The following SH3RF3 variants were observed in gnomAD, a reference collection of about 807,000 sequenced individuals.
The protein encoded by SH3RF3 is SH3 domain containing ring finger 3.
Under a neutral mutation model 66.3 loss-of-function variants are expected in SH3RF3, and 29 were observed. That is an observed-to-expected ratio of 0.44 (90% CI 0.33 to 0.60). SH3RF3 has a LOEUF of 0.60. Ranked by LOEUF, SH3RF3 falls within the 20% of genes least tolerant of loss-of-function variation. The probability of loss-of-function intolerance (pLI) is 0.04; values close to 1 mark genes in which losing one functional copy is unlikely to be tolerated. For synonymous variants in SH3RF3, 583 were observed against 532.0 expected, an observed-to-expected ratio of 1.10 and a Z score of -1.32; for missense variants, 1,194 against 1,190.9, an observed-to-expected ratio of 1.00 and a Z score of -0.04.
intron 1 of SH3RF3, among the ~76,000 whole-genome samples, chr2:109,238,561 G>A (rs1454188644): frequency 6.6e-6 from 1 of 151,322 alleles, no homozygotes; most frequent in Non-Finnish European, 1.5e-5. Context: ...ATCTCTGCTG[G>A]AAACTGGAAA....
In SH3RF3 at chr2:109,191,067, T is replaced by A. The variant is rs572151880; in HGVS notation, c.573+60954T>A. Among the ~76,000 whole-genome samples, 40 of 152,160 alleles carry A rather than the reference T, an allele frequency of 2.6e-4. 1 individual carries two copies. The highest frequency in any genetic ancestry group is 9.2e-4 in the African/African-American group (38 of 41,498). On this transcript the variant is annotated intron_variant, in intron 1 of 9. Transcript: ENST00000309415. ...GGGCCACAAAGAGTCTAACCTCCTC[T>A]GTTGTATTCGGAAAGTAGCTGTAGA...
At chr2:109,199,086 A>G (rs1334331544) in intron 1 of SH3RF3, among the ~76,000 whole-genome samples, 2 of 152,010 alleles carry the variant, frequency 1.3e-5, no homozygotes, top group African/African-American at 2.4e-5. Flanking sequence ...GGGTCCAGGC[A>G]TGGTGGTTCA....
intron 8 of SH3RF3, among the ~76,000 whole-genome samples, chr2:109,453,359 A>T (rs1670103101): frequency 6.6e-6 from 1 of 152,238 alleles, no homozygotes. Flanking sequence ...TTCAGGATTT[A>T]AGTTATCCTT....
intron 1 of SH3RF3, among the ~76,000 whole-genome samples, chr2:109,329,132 C>T (rs1043517569): frequency 1.5e-4 from 23 of 152,180 alleles, no homozygotes; most frequent in African/African-American, 5.3e-4. Context: ...GTTCCCCTCT[C>T]TCCTACATTG....
intron 4 of SH3RF3, among the ~76,000 whole-genome samples, chr2:109,405,619 C>CA (rs1676433526): frequency 6.6e-6 from 1 of 152,248 alleles, no homozygotes; most frequent in South Asian, 2.1e-4. Flanking sequence ...AGGCAACACA[C>CA]AGACACATAC....
intron 1 of SH3RF3, among the ~76,000 whole-genome samples, chr2:109,155,229 C>A (rs746222151): frequency 2.0e-5 from 3 of 152,186 alleles, no homozygotes; most frequent in Non-Finnish European, 4.4e-5. Context: ...CACCTTGCAT[C>A]TATGCCTATT....
At position 109,370,237 on chromosome 2, in the gene SH3RF3, CTCTT is replaced by C. The variant is rs1490103879; in HGVS notation, c.850-1347_850-1344del. Among the ~76,000 whole-genome samples the C allele has an allele frequency of 4.3e-4, 64 of 149,210 alleles. No individual in the cohort carries two copies. The South Asian group carries it at 6.1e-3, about 14-fold the overall frequency. ...TCTGTCTCTGTCTCTGTCTCTCTCT[CTCTT>C]TTTCTTTTTTTTTTTTAATATGGAG... On this transcript the variant is annotated intron_variant, in intron 2 of 9. Coordinates refer to ENST00000309415, the MANE Select transcript of SH3RF3 (RefSeq NM_001099289.3).
At chr2:109,262,390 G>T (rs553707434) in intron 1 of SH3RF3, among the ~76,000 whole-genome samples, 3 of 152,238 alleles carry the variant, frequency 2.0e-5, no homozygotes, top group East Asian at 3.9e-4. Context: ...GAGCTTTGGG[G>T]TTACTGCCTT....
intron 3 of SH3RF3, among the ~76,000 whole-genome samples, chr2:109,382,625 C>T (rs1014422711): frequency 6.6e-6 from 1 of 152,182 alleles, no homozygotes; most frequent in Non-Finnish European, 1.5e-5. Context: ...GAACACCGAG[C>T]CCTGTCACAT....
chr2:109,483,731 G>A (rs1678892890), intron 8 of SH3RF3, among the ~76,000 whole-genome samples: 1 of 152,174 alleles, frequency 6.6e-6, no homozygotes, highest in Non-Finnish European at 1.5e-5. Flanking sequence ...ACCCAGCTGT[G>A]CCACATGAGG....
intron 1 of SH3RF3, among the ~76,000 whole-genome samples, chr2:109,155,827 G>A (rs1029736053): frequency 7.2e-5 from 11 of 152,250 alleles, no homozygotes; most frequent in African/African-American, 1.7e-4. Flanking sequence ...CCAGAACTAG[G>A]TGGTCAGCCT....
At chr2:109,281,404 G>A (rs1376353492) in intron 1 of SH3RF3, among the ~76,000 whole-genome samples, 4 of 152,202 alleles carry the variant, frequency 2.6e-5, no homozygotes, top group African/African-American at 7.2e-5. Flanking sequence ...CTGCCGATGT[G>A]ACAGTCTCAG....
At chr2:109,276,088 GA>G (rs1680750889) in intron 1 of SH3RF3, among the ~76,000 whole-genome samples, 1 of 152,146 alleles carries the variant, frequency 6.6e-6, no homozygotes, top group Non-Finnish European at 1.5e-5. Context: ...CTCTTCCCAG[GA>G]AGGGGGATCT....
intron 1 of SH3RF3, among the ~76,000 whole-genome samples, chr2:109,289,163 C>G (rs1202262176): frequency 6.6e-6 from 1 of 152,060 alleles, no homozygotes; most frequent in Non-Finnish European, 1.5e-5. Context: ...CCTCCATCCC[C>G]TGTCTCTCTC....
chr2:109,226,588 CT>C (rs1227250749), intron 1 of SH3RF3, among the ~76,000 whole-genome samples: 3 of 152,182 alleles, frequency 2.0e-5, no homozygotes, highest in Non-Finnish European at 4.4e-5. Context: ...TCACTCTTAG[CT>C]TTTTCTCATT....
At chr2:109,130,903 C>A (rs1159750479) in intron 1 of SH3RF3, among the ~76,000 whole-genome samples, 1 of 152,102 alleles carries the variant, frequency 6.6e-6, no homozygotes, top group Admixed American at 6.5e-5. Context: ...ACCCTTGCCA[C>A]CTTGTGAACA....
At chr2:109,223,005 T>G (rs544252716) in intron 1 of SH3RF3, among the ~76,000 whole-genome samples, 1 of 152,148 alleles carries the variant, frequency 6.6e-6, no homozygotes, top group African/African-American at 2.4e-5. Context: ...CCCTTCAGGG[T>G]GAAGAGGGCA....
intron 4 of SH3RF3, among the ~76,000 whole-genome samples, chr2:109,402,076 G>A (rs1457736585): frequency 1.3e-5 from 2 of 152,246 alleles, no homozygotes; most frequent in Non-Finnish European, 2.9e-5. Flanking sequence ...GGAGACAGAA[G>A]GGGCACCTGG....
Position 109,437,083 on chromosome 2 carries a change from G to A in SH3RF3, c.1765G>A (p.Gly589Ser). 6.2e-7 allele frequency: 1 copy of A among 1,613,658 alleles called. No homozygotes were observed. The highest frequency in any genetic ancestry group is 8.5e-7 in the Non-Finnish European group (1 of 1,179,846). Residue 589 changes from glycine (G) to serine (S), a missense_variant, in exon 7 of 10, where the codon GGC (glycine) becomes AGC (serine). Transcript: ENST00000309415. ...GCACCCCACAGCCTCGCCCCCAACA[G>A]GCAGCTGTCTACGGCACTCAGCCCA... is the stretch of plus-strand genomic sequence containing the variant. Reference protein sequence around the residue: ...AQHPTASPPTGSCLRHSAQPT... With the variant: ...AQHPTASPPTSSCLRHSAQPT...
Sources: allele counts gnomAD v4.1 joint callset (sites outside exome capture counted in the v4.1 genomes callset), GRCh38; gene constraint gnomAD v4.1.1; transcripts MANE v1.5; gene names NCBI Gene and HGNC (gene_info 2026-07-23, HGNC 2026-07-21).